NALF1: variants seen among roughly 807,000 people sequenced by gnomAD.
The protein encoded by NALF1 is NALCN channel auxiliary factor 1.
Under a neutral mutation model 48.4 loss-of-function variants are expected in NALF1, and 3 were observed. That is an observed-to-expected ratio of 0.06 (90% CI 0.03 to 0.16). The LOEUF is 0.16. Ranked by LOEUF, NALF1 falls within the 10% of genes least tolerant of loss-of-function variation. The probability of loss-of-function intolerance (pLI) is 1.00; values close to 1 mark genes in which losing one functional copy is unlikely to be tolerated. For missense variants in NALF1, 526 were observed against 571.5 expected (o/e 0.92, Z 0.81); for synonymous variants, 262 against 245.7 (o/e 1.07, Z -0.62).
chr13:107,453,577 T>A (rs776150386), intron 1 of NALF1, among the ~76,000 whole-genome samples: 18 of 152,236 alleles, frequency 1.2e-4, no homozygotes, highest in Non-Finnish European at 2.5e-4. Context: ...TCCAGGCCTG[T>A]GATGGGACAG....
intron 1 of NALF1, among the ~76,000 whole-genome samples, chr13:107,776,154 C>G (rs1877724166): frequency 6.6e-6 from 1 of 152,190 alleles, no homozygotes; most frequent in Non-Finnish European, 1.5e-5. Flanking sequence ...TTTTTAAAAT[C>G]ATTACTATCA....
At chr13:107,647,607 G>A (rs1594182413) in intron 1 of NALF1, among the ~76,000 whole-genome samples, 1 of 151,886 alleles carries the variant, frequency 6.6e-6, no homozygotes, top group Admixed American at 6.6e-5. Context: ...TATTAAAAAA[G>A]GTATGTACTT....
intron 1 of NALF1, among the ~76,000 whole-genome samples, chr13:107,642,337 G>T (rs1880182651): frequency 6.6e-6 from 1 of 152,154 alleles, no homozygotes; most frequent in African/African-American, 2.4e-5. Context: ...TATCTGAATT[G>T]AAGTCAGCAT....
At chr13:107,787,711 A>G (rs1173480419) in intron 1 of NALF1, among the ~76,000 whole-genome samples, 3 of 152,210 alleles carry the variant, frequency 2.0e-5, no homozygotes, top group African/African-American at 7.2e-5. Flanking sequence ...AAAAATTACT[A>G]CCAGTATAAA....
intron 1 of NALF1, among the ~76,000 whole-genome samples, chr13:107,818,799 GA>G (rs538997738): frequency 8.1e-5 from 11 of 136,416 alleles, no homozygotes; most frequent in African/African-American, 3.4e-4. Context: ...GTGAACCCGG[GA>G]GGCGGAGCTT....
At chr13:107,718,140 G>T (rs1340243877) in intron 1 of NALF1, among the ~76,000 whole-genome samples, 3 of 152,180 alleles carry the variant, frequency 2.0e-5, no homozygotes, top group Non-Finnish European at 4.4e-5. Context: ...ATGTGTCCTT[G>T]ATGGCACTGT....
At chr13:107,630,906 T>C (rs979856969) in intron 1 of NALF1, among the ~76,000 whole-genome samples, 41 of 152,226 alleles carry the variant, frequency 2.7e-4, no homozygotes, top group African/African-American at 9.6e-4. Flanking sequence ...CTAGCCTTTT[T>C]AATCTAGGGA....
At chr13:107,744,391 A>C (rs1364936375) in intron 1 of NALF1, among the ~76,000 whole-genome samples, 1 of 152,214 alleles carries the variant, frequency 6.6e-6, no homozygotes, top group African/African-American at 2.4e-5. Flanking sequence ...CAAATAAGTA[A>C]GCGAAGTGTT....
chr13:107,747,016 G>T (rs899502089), intron 1 of NALF1, among the ~76,000 whole-genome samples: 1 of 152,238 alleles, frequency 6.6e-6, no homozygotes, highest in African/African-American at 2.4e-5. Context: ...AGCCCCAAAA[G>T]CACTGGCAAC....
At chr13:107,271,818 TTATA>T (rs1881182323) in intron 1 of NALF1, among the ~76,000 whole-genome samples, 1 of 95,878 alleles carries the variant, frequency 1.0e-5, no homozygotes, top group Non-Finnish European at 2.2e-5. Flanking sequence ...ATATATATAT[TTATA>T]TATTTATATA....
At chr13:107,568,411 A>G (rs111802563) in intron 1 of NALF1, among the ~76,000 whole-genome samples, 1 of 152,344 alleles carries the variant, frequency 6.6e-6, no homozygotes, top group African/African-American at 2.4e-5. Context: ...TGCTATGAAC[A>G]TTCAGGTTTA....
Position 107,850,747 on chromosome 13 carries a change from A to G in NALF1, c.915+14935T>C, listed in dbSNP as rs143137062. Among the ~76,000 whole-genome samples, 818 of 152,212 alleles carry G rather than the reference A, an allele frequency of 5.4e-3. 3 individuals carry two copies. Among genetic ancestry groups the G allele is most frequent in the Non-Finnish European group, 8.0e-3 (547 of 68,014 alleles). On this transcript the variant is annotated intron_variant, in intron 1 of 2. Coordinates refer to ENST00000375915, the MANE Select transcript of NALF1 (RefSeq NM_001080396.3). Reference sequence around the variant, plus strand: ...GTGAAACTCCATCTCTACTAAAAGTACAAAAATTAGCCGAACGTGGTGGCA... The same window carrying G: ...GTGAAACTCCATCTCTACTAAAAGTGCAAAAATTAGCCGAACGTGGTGGCA...
At chr13:107,634,136 G>T (rs1879911598) in intron 1 of NALF1, among the ~76,000 whole-genome samples, 1 of 151,966 alleles carries the variant, frequency 6.6e-6, no homozygotes, top group Non-Finnish European at 1.5e-5. Context: ...AACATCAACT[G>T]ATTAATCAAC....
chr13:107,758,294 G>T (rs1310938440), intron 1 of NALF1, among the ~76,000 whole-genome samples: 1 of 152,170 alleles, frequency 6.6e-6, no homozygotes, highest in Non-Finnish European at 1.5e-5. Flanking sequence ...TGGAATAAAT[G>T]TTTATCCATG....
intron 1 of NALF1, among the ~76,000 whole-genome samples, chr13:107,503,938 T>TA (rs1875610256): frequency 6.7e-6 from 1 of 148,224 alleles, no homozygotes; most frequent in African/African-American, 2.5e-5. Context: ...TTTTTTTTTT[T>TA]AAAGAGCTCA....
At chr13:107,696,797 G>A (rs1193305339) in intron 1 of NALF1, among the ~76,000 whole-genome samples, 1 of 152,090 alleles carries the variant, frequency 6.6e-6, no homozygotes, top group Non-Finnish European at 1.5e-5. Flanking sequence ...TATCTTGCAT[G>A]ATTTTTGCTT....
At chr13:107,529,051 CT>C (rs958267079) in intron 1 of NALF1, among the ~76,000 whole-genome samples, 1 of 152,082 alleles carries the variant, frequency 6.6e-6, no homozygotes, top group African/African-American at 2.4e-5. Flanking sequence ...GTTACTCAGT[CT>C]CACCTCTGTT....
At chr13:107,849,164 T>G (rs540719395) in intron 1 of NALF1, among the ~76,000 whole-genome samples, 1 of 152,244 alleles carries the variant, frequency 6.6e-6, no homozygotes, top group Non-Finnish European at 1.5e-5. Flanking sequence ...GGTAATACTC[T>G]ATCTCATTTC....
intron 1 of NALF1, among the ~76,000 whole-genome samples, chr13:107,638,415 AT>A (rs1474499154): frequency 2.0e-5 from 3 of 151,918 alleles, no homozygotes; most frequent in Non-Finnish European, 2.9e-5. Flanking sequence ...TCATTCATTC[AT>A]TCAACAAGTA....
Sources: allele counts gnomAD v4.1 joint callset (sites outside exome capture counted in the v4.1 genomes callset), GRCh38; gene constraint gnomAD v4.1.1; transcripts MANE v1.5; gene names NCBI Gene and HGNC (gene_info 2026-07-23, HGNC 2026-07-21).